The following GRM7 variants were observed in gnomAD, a reference collection of about 807,000 sequenced individuals.
The protein encoded by GRM7 is metabotropic glutamate receptor 7.
A neutral mutation model predicts 84.5 loss-of-function variants in GRM7; 35 were observed. The observed-to-expected ratio is 0.41, with a 90% confidence interval of 0.32 to 0.55. The LOEUF (loss-of-function observed/expected upper bound fraction) is 0.55, where lower values mean the gene tolerates loss of function less well. Ranked by LOEUF, GRM7 falls within the 20% of genes least tolerant of loss-of-function variation. The pLI is 0.19. For synonymous variants in GRM7, 487 were observed against 455.1 expected, an observed-to-expected ratio of 1.07 and a Z score of -0.89; for missense variants, 1,003 against 1,194.6, an observed-to-expected ratio of 0.84 and a Z score of 2.36.
intron 4 of GRM7, among the ~76,000 whole-genome samples, chr3:7,329,181 T>A (rs1343739893): frequency 6.6e-6 from 1 of 152,064 alleles, no homozygotes; most frequent in Non-Finnish European, 1.5e-5. Flanking sequence ...TAGAGGAACA[T>A]TCCGATGACA....
intron 8 of GRM7, among the ~76,000 whole-genome samples, chr3:7,615,128 A>G (rs1351072837): frequency 6.6e-6 from 1 of 151,874 alleles, no homozygotes; most frequent in Non-Finnish European, 1.5e-5. Context: ...TCAATGTTTC[A>G]TCTTCTTTTG....
chr3:7,105,134 A>G (rs758984812), intron 1 of GRM7, among the ~76,000 whole-genome samples: 2 of 151,742 alleles, frequency 1.3e-5, no homozygotes, highest in Non-Finnish European at 2.9e-5. Context: ...TTCAAATCCT[A>G]ATATATTCTT....
intron 4 of GRM7, among the ~76,000 whole-genome samples, chr3:7,376,015 C>T (rs1258218884): frequency 6.6e-6 from 1 of 152,092 alleles, no homozygotes; most frequent in Non-Finnish European, 1.5e-5. Flanking sequence ...GCTCAGAGAG[C>T]CTTATTGAGT....
chr3:6,982,221 C>G (rs189004893), intron 1 of GRM7, among the ~76,000 whole-genome samples: 1 of 152,258 alleles, frequency 6.6e-6, no homozygotes, highest in African/African-American at 2.4e-5. Flanking sequence ...TTCATGCTCT[C>G]ATTTGTAAGT....
chr3:7,622,998 C>G (rs1379214140), intron 8 of GRM7, among the ~76,000 whole-genome samples: 1 of 152,148 alleles, frequency 6.6e-6, no homozygotes, highest in Admixed American at 6.6e-5. Context: ...ACGGTGAATG[C>G]TTCACTCCTG....
At chr3:6,886,360 G>A (rs1026306101) in intron 1 of GRM7, among the ~76,000 whole-genome samples, 2 of 152,100 alleles carry the variant, frequency 1.3e-5, no homozygotes, top group African/African-American at 2.4e-5. Context: ...TGAGGGGCTG[G>A]GGTAGGGATA....
At chr3:7,715,893 T>G (rs1463802325) in intron 9 of GRM7, among the ~76,000 whole-genome samples, 1 of 152,208 alleles carries the variant, frequency 6.6e-6, no homozygotes, top group East Asian at 1.9e-4. Context: ...TATTTGTCTC[T>G]TCTCCCACTC....
chr3:7,203,649 T>C lies in GRM7; in HGVS notation c.736+56981T>C, dbSNP rs906206555. ...CTGGATCGTATGTTAGTTCTATTTA[T>C]AGTTTTTTGAGAAATCTGCATACTG... On this transcript the variant is annotated intron_variant, in intron 2 of 9. Transcript: ENST00000357716. Among the ~76,000 whole-genome samples the C allele has an allele frequency of 2.2e-4, 33 of 152,312 alleles. 3 individuals carry two copies. Among genetic ancestry groups the C allele is most frequent in the Admixed American group, 1.2e-3 (18 of 15,308 alleles).
intron 7 of GRM7, among the ~76,000 whole-genome samples, chr3:7,488,162 A>T (rs9815274): frequency 0.51 from 78,183 of 151,938 alleles, 20,621 homozygotes; most frequent in East Asian, 0.7. Context: ...CTGTTTCATG[A>T]TCATATTTTG....
intron 2 of GRM7, among the ~76,000 whole-genome samples, chr3:7,178,926 CAAAAATACAA>C (rs771671214): frequency 2.5e-5 from 3 of 118,066 alleles, no homozygotes; most frequent in Non-Finnish European, 5.3e-5. Flanking sequence ...ACTAAAAATA[CAAAAATACAA>C]AAAAATACAA....
chr3:7,443,199 C>A (rs1157146455), intron 5 of GRM7, among the ~76,000 whole-genome samples: 3 of 152,080 alleles, frequency 2.0e-5, no homozygotes, highest in African/African-American at 7.2e-5. Context: ...CAACAGCTGT[C>A]ATAATCTGGC....
chr3:7,102,642 C>T (rs1699151445), intron 1 of GRM7, among the ~76,000 whole-genome samples: 1 of 151,746 alleles, frequency 6.6e-6, no homozygotes, highest in African/African-American at 2.4e-5. Flanking sequence ...ATTTTTTCTA[C>T]ACCATTCTGT....
At chr3:7,330,630 C>T (rs1212898836) in intron 4 of GRM7, among the ~76,000 whole-genome samples, 1 of 152,142 alleles carries the variant, frequency 6.6e-6, no homozygotes, top group Non-Finnish European at 1.5e-5. Context: ...AAGGGCTTTC[C>T]CCTTTCATTT....
At chr3:7,430,815 G>A (rs920272413) in intron 5 of GRM7, among the ~76,000 whole-genome samples, 6 of 152,188 alleles carry the variant, frequency 3.9e-5, no homozygotes, top group Non-Finnish European at 2.9e-5. Context: ...TCCCTATGGA[G>A]TATAGGGAAG....
intron 9 of GRM7, among the ~76,000 whole-genome samples, chr3:7,724,106 C>T (rs953738511): frequency 6.6e-6 from 1 of 152,126 alleles, no homozygotes; most frequent in Non-Finnish European, 1.5e-5. Context: ...TGTCTGGGCA[C>T]AGGCTGTGTT....
rs116222951 is a variant in GRM7, at chr3:7,119,885, C to A, written c.520-26567C>A. On this transcript the variant is annotated intron_variant, in intron 1 of 9. Transcript: ENST00000357716. ...ATGGGCGCTTCTGATTTACATAGCT[C>A]ATTTCCTCCCATTGTAATATGTGTT... 8.4e-3 allele frequency among the ~76,000 whole-genome samples: 1,286 copies of A among 152,202 alleles called. 10 individuals are homozygous for A. Among genetic ancestry groups the A allele is most frequent in the African/African-American group, 0.027 (1,131 of 41,556 alleles).
intron 7 of GRM7, among the ~76,000 whole-genome samples, chr3:7,490,833 T>C (rs1184315870): frequency 2.0e-5 from 3 of 152,094 alleles, no homozygotes; most frequent in African/African-American, 7.2e-5. Flanking sequence ...AGAAATAAAC[T>C]TGGCAATATA....
chr3:7,222,911 A>G (rs746801993), intron 2 of GRM7, among the ~76,000 whole-genome samples: 15 of 152,184 alleles, frequency 9.9e-5, no homozygotes, highest in Non-Finnish European at 2.2e-4. Flanking sequence ...CTGTGTAAGA[A>G]TATTTATCTC....
chr3:7,258,181 A>G (rs1698278643), intron 2 of GRM7, among the ~76,000 whole-genome samples: 2 of 152,098 alleles, frequency 1.3e-5, no homozygotes, highest in South Asian at 4.1e-4. Flanking sequence ...TTTAAATTTA[A>G]ACCTTATTTT....
Sources: gnomAD v4.1 joint callset for allele counts (sites outside exome capture counted in the v4.1 genomes callset) on GRCh38, gnomAD v4.1.1 for gene constraint, MANE v1.5 for transcripts, NCBI Gene and HGNC (gene_info 2026-07-23, HGNC 2026-07-21) for gene names.